The following SEMA3E variants were observed in gnomAD, a reference collection of about 807,000 sequenced individuals.
The protein encoded by SEMA3E is semaphorin 3E, also known as semaphorin-3E.
In SEMA3E, 49 loss-of-function variants were observed where a neutral mutation model predicts 93.6. The observed-to-expected ratio is 0.52, with a 90% CI of 0.42 to 0.66. The LOEUF is 0.66. SEMA3E is among the 30% of genes least tolerant of loss of function. The pLI is 0.00. For synonymous variants in SEMA3E, 363 were observed against 330.7 expected (o/e 1.10, Z -1.06); for missense variants, 906 against 964.8 (o/e 0.94, Z 0.81).
At chr7:83,592,669 G>A (rs982152827) in intron 1 of SEMA3E, among the ~76,000 whole-genome samples, 3 of 152,246 alleles carry the variant, frequency 2.0e-5, no homozygotes, top group Non-Finnish European at 2.9e-5. Context: ...CAGTTAATAC[G>A]TTGGTTTGGT....
intron 4 of SEMA3E, among the ~76,000 whole-genome samples, chr7:83,451,773 C>T (rs935226113): frequency 7.9e-5 from 12 of 152,188 alleles, no homozygotes; most frequent in Admixed American, 6.5e-4. Context: ...TGAAACCAAC[C>T]GGTTTTTAAA....
intron 2 of SEMA3E, 106 bp downstream of exon 2, chr7:83,490,008 C>T (rs1355648533): frequency 7.0e-6 from 7 of 1,006,800 alleles, no homozygotes; most frequent in African/African-American, 3.3e-5. Flanking sequence ...AAAGTAATCA[C>T]TCAAAATTTT....
In SEMA3E at chr7:83,494,607, A is replaced by G. The variant is rs147828966; in HGVS notation, c.116-4333T>C. On this transcript the variant is annotated intron_variant, in intron 1 of 16. Transcript: ENST00000643230. ...AGGTGAGGACAGAAATCCTGGCTTCATGGTAATCGGAAAACAAACAGAAGC... is the reference window on the plus strand; with the variant it reads ...AGGTGAGGACAGAAATCCTGGCTTCGTGGTAATCGGAAAACAAACAGAAGC... 9.4e-3 allele frequency among the ~76,000 whole-genome samples: 1,424 copies of G among 152,032 alleles called. 12 individuals carry two copies. The highest frequency in any genetic ancestry group is 0.014 in the Admixed American group (212 of 15,240).
chr7:83,504,599 G>T (rs1030493082), intron 1 of SEMA3E, among the ~76,000 whole-genome samples: 4 of 152,164 alleles, frequency 2.6e-5, no homozygotes, highest in Admixed American at 2.6e-4. Flanking sequence ...ACAGTTCACT[G>T]ATGACTTTCT....
chr7:83,519,025 G>C (rs1790990265), intron 1 of SEMA3E, among the ~76,000 whole-genome samples: 1 of 151,478 alleles, frequency 6.6e-6, no homozygotes, highest in African/African-American at 2.4e-5. Flanking sequence ...CAATGTGCAG[G>C]TTAGTTACAT....
intron 9 of SEMA3E, among the ~76,000 whole-genome samples, chr7:83,404,269 C>A (rs190059437): frequency 3.7e-4 from 56 of 151,974 alleles, no homozygotes; most frequent in African/African-American, 1.3e-3. Context: ...CTCTTTGCAA[C>A]AGCAGGATTC....
intron 2 of SEMA3E, among the ~76,000 whole-genome samples, chr7:83,470,851 C>T (rs1221655427): frequency 3.1e-5 from 4 of 127,394 alleles, no homozygotes; most frequent in Non-Finnish European, 3.3e-5. Flanking sequence ...GGTGTGGTTC[C>T]CCCACATTTT....
intron 2 of SEMA3E, among the ~76,000 whole-genome samples, chr7:83,485,572 A>G (rs1790234301): frequency 6.6e-6 from 1 of 152,204 alleles, no homozygotes. Flanking sequence ...CAATCCCGGA[A>G]GAATGCAACA....
At chr7:83,390,606 C>T (rs1341571588) in intron 14 of SEMA3E, among the ~76,000 whole-genome samples, 2 of 152,030 alleles carry the variant, frequency 1.3e-5, no homozygotes, top group Non-Finnish European at 2.9e-5. Flanking sequence ...AGGTCTGAAG[C>T]AAAAATGATC....
Position 83,600,776 on chromosome 7 carries a change from T to C in SEMA3E, c.115+47652A>G, listed in dbSNP as rs1044289119. Among the ~76,000 whole-genome samples the C allele has an allele frequency of 1.3e-5, 2 of 151,862 alleles. 1 individual carries two copies. Among genetic ancestry groups the C allele is most frequent in the Admixed American group, 1.3e-4 (2 of 15,224 alleles). ...AAAATAATAAGAAATGGGTGGAACG[T>C]GATGTTGTAAAAAGACTAAAATGTA... is the stretch of plus-strand genomic sequence containing the variant. On this transcript the variant is annotated intron_variant, in intron 1 of 16. Coordinates refer to ENST00000643230, the MANE Select transcript of SEMA3E (RefSeq NM_012431.3).
chr7:83,512,716 G>C (rs1236863654), intron 1 of SEMA3E, among the ~76,000 whole-genome samples: 1 of 152,026 alleles, frequency 6.6e-6, no homozygotes, highest in Non-Finnish European at 1.5e-5. Context: ...TCACAACATA[G>C]CTATTATATT....
intron 12 of SEMA3E, among the ~76,000 whole-genome samples, chr7:83,396,202 A>G (rs1788119349): frequency 6.6e-6 from 1 of 151,952 alleles, no homozygotes; most frequent in South Asian, 2.1e-4. Context: ...CTTTTTTATT[A>G]TCATCTTCTA....
chr7:83,487,694 T>A (rs866152026), intron 2 of SEMA3E, among the ~76,000 whole-genome samples: 2 of 148,288 alleles, frequency 1.3e-5, no homozygotes, highest in African/African-American at 5.2e-5. Context: ...TGTGTGTGTG[T>A]GTGTGTGTGT....
At chr7:83,542,980 TTA>T (rs1435245342) in intron 1 of SEMA3E, among the ~76,000 whole-genome samples, 1 of 145,616 alleles carries the variant, frequency 6.9e-6, no homozygotes, top group Non-Finnish European at 1.5e-5. Flanking sequence ...GTGTGATGCT[TTA>T]TATATGTACA....
At chr7:83,545,194 C>G (rs565611253) in intron 1 of SEMA3E, among the ~76,000 whole-genome samples, 1 of 151,858 alleles carries the variant, frequency 6.6e-6, no homozygotes, top group Non-Finnish European at 1.5e-5. Context: ...TGTTTAGAAA[C>G]GGGAGCCATA....
intron 1 of SEMA3E, among the ~76,000 whole-genome samples, chr7:83,520,397 C>CCCTTTCTCCATT (rs1791019312): frequency 6.6e-6 from 1 of 152,086 alleles, no homozygotes. Flanking sequence ...TTCATTTTCT[C>CCCTTTCTCCATT]CCTTTCTCCA....
chr7:83,565,536 T>G (rs1188455613), intron 1 of SEMA3E, among the ~76,000 whole-genome samples: 1 of 152,126 alleles, frequency 6.6e-6, no homozygotes, highest in East Asian at 1.9e-4. Context: ...AAAAAGAAAA[T>G]AAAAAGTATT....
At chr7:83,584,575 C>T (rs963688470) in intron 1 of SEMA3E, among the ~76,000 whole-genome samples, 1 of 152,082 alleles carries the variant, frequency 6.6e-6, no homozygotes, top group African/African-American at 2.4e-5. Flanking sequence ...AGTTGAAGCA[C>T]CAGCTCAGAA....
intron 1 of SEMA3E, among the ~76,000 whole-genome samples, chr7:83,593,868 A>C (rs1268900737): frequency 6.6e-6 from 1 of 152,162 alleles, no homozygotes; most frequent in Non-Finnish European, 1.5e-5. Flanking sequence ...AATACATAGC[A>C]TAACATGTAC....
Sources: allele counts gnomAD v4.1 joint callset (sites outside exome capture counted in the v4.1 genomes callset), GRCh38; gene constraint gnomAD v4.1.1; transcripts MANE v1.5; gene names NCBI Gene and HGNC (gene_info 2026-07-23, HGNC 2026-07-21).